KCNJ6: variants seen among roughly 807,000 people sequenced by gnomAD.
KCNJ6 encodes the protein G protein-activated inward rectifier potassium channel 2.
KCNJ6 carries 9 observed loss-of-function variants against 34.2 expected under a neutral mutation model. That is an observed-to-expected ratio of 0.26 (90% CI 0.16 to 0.46). KCNJ6 has a LOEUF of 0.46. KCNJ6 is among the 20% of genes least tolerant of loss of function. KCNJ6 has a pLI of 1.00. For synonymous variants in KCNJ6, 196 were observed against 207.1 expected, an observed-to-expected ratio of 0.95 and a Z score of 0.46; for missense variants, 236 against 531.3, an observed-to-expected ratio of 0.44 and a Z score of 5.46.
chr21:37,728,219 A>G (rs945230553), intron 2 of KCNJ6, among the ~76,000 whole-genome samples: 6 of 152,226 alleles, frequency 3.9e-5, no homozygotes, highest in African/African-American at 1.4e-4. Flanking sequence ...GACAAGTACT[A>G]TATGATTTCA....
chr21:37,859,487 TTATATATATATATATATATATATATA>T (rs55859652), intron 1 of KCNJ6, among the ~76,000 whole-genome samples: 9 of 84,298 alleles, frequency 1.1e-4, no homozygotes, highest in East Asian at 3.1e-4. Context: ...TTATATTACT[TTATATATATATATATATATATATATA>T]TATATATATA....
At position 37,612,172 on chromosome 21, in the gene KCNJ6, T is replaced by G. The variant is rs2054244907; in HGVS notation, c.*12987A>C. On this transcript the variant is annotated 3_prime_UTR_variant, in exon 4 of 4. Transcript: ENST00000609713. ...AGGGATTATAGCAAGATTTTAGGAT[T>G]CAAAGTTAATATACAAAGTCAATTG... 6.6e-6 allele frequency: 1 copy of G among 152,216 alleles called. No homozygotes were observed. Among genetic ancestry groups the G allele is most frequent in the Non-Finnish European group, 1.5e-5 (1 of 68,028 alleles). The allele number at this position is 152,216 out of a possible 1,614,324, so 9.4% of individuals were successfully genotyped here.
chr21:37,658,350 G>T (rs1004959018), intron 3 of KCNJ6, among the ~76,000 whole-genome samples: 6 of 152,226 alleles, frequency 3.9e-5, no homozygotes, highest in Non-Finnish European at 4.4e-5. Flanking sequence ...CTACCCACGT[G>T]GGGGAATTTC....
Position 37,714,145 on chromosome 21 carries a change from G to C in KCNJ6, c.946+66C>G. 9.0e-7 allele frequency: 1 copy of C among 1,109,842 alleles called. No individual in the cohort carries two copies. Among genetic ancestry groups the C allele is most frequent in the South Asian group, 1.4e-5 (1 of 69,288 alleles). The allele number at this position is 1,109,842 out of a possible 1,614,324, so 68.7% of individuals were successfully genotyped here. A position where few individuals can be genotyped will look rare whatever the true frequency, so the allele number is the denominator to read the frequency against. The stretch of plus-strand genomic sequence containing the variant: ...GTATTCTAGATCTTGTAATAGATAA[G>C]AACATCAGGTCCAGTTTAAAATGAG... On this transcript the variant is annotated intron_variant, in intron 3 of 3. Transcript: ENST00000609713. The surrounding 1 kb of genome is among the most constrained non-coding windows in gnomAD (Gnocchi z 5.9).
chr21:37,831,007 C>T (rs893931182), intron 2 of KCNJ6, among the ~76,000 whole-genome samples: 2 of 152,106 alleles, frequency 1.3e-5, no homozygotes, highest in Admixed American at 1.3e-4. Context: ...GAAAGTCCCA[C>T]CCTGAGGGAC....
chr21:37,911,843 G>A (rs1244278556), intron 1 of KCNJ6, among the ~76,000 whole-genome samples: 2 of 152,128 alleles, frequency 1.3e-5, no homozygotes, highest in Admixed American at 1.3e-4. Context: ...TTTTCTACCT[G>A]TGAAAATCAG....
At chr21:37,888,317 A>G (rs73904487) in intron 1 of KCNJ6, among the ~76,000 whole-genome samples, 6,807 of 152,200 alleles carry the variant, frequency 0.045, 509 homozygotes, top group African/African-American at 0.15. Flanking sequence ...CATCATTCAA[A>G]CCACAGGCTG....
intron 2 of KCNJ6, among the ~76,000 whole-genome samples, chr21:37,759,338 A>G (rs1201149589): frequency 1.3e-5 from 2 of 152,194 alleles, no homozygotes; most frequent in Non-Finnish European, 2.9e-5. Context: ...GCGGGACTGC[A>G]CTGAACGGCA....
At chr21:37,841,641 C>T (rs2055481404) in intron 1 of KCNJ6, among the ~76,000 whole-genome samples, 2 of 152,142 alleles carry the variant, frequency 1.3e-5, no homozygotes, top group South Asian at 4.1e-4. Context: ...GGAATATGAT[C>T]CTATCTTCAT....
chr21:37,789,021 C>T lies in KCNJ6; in HGVS notation c.25+51637G>A, dbSNP rs925860694. Among the ~76,000 whole-genome samples the T allele has an allele frequency of 6.6e-5, 10 of 152,278 alleles. No individual in the cohort carries two copies. The South Asian group carries it at 8.3e-4, about 13-fold the overall frequency. On this transcript the variant is annotated intron_variant, in intron 2 of 3. Coordinates refer to ENST00000609713, the MANE Select transcript of KCNJ6 (RefSeq NM_002240.5). Reference sequence around the variant, plus strand: ...CTTCTGGAAGTTTATTATTTCACTACTCTCAAGACTCTTTTCCACAGTCTC... The same window carrying T: ...CTTCTGGAAGTTTATTATTTCACTATTCTCAAGACTCTTTTCCACAGTCTC...
intron 3 of KCNJ6, among the ~76,000 whole-genome samples, chr21:37,673,153 C>G (rs1462962779): frequency 6.6e-6 from 1 of 152,174 alleles, no homozygotes; most frequent in African/African-American, 2.4e-5. Context: ...ACAGGTAAGA[C>G]AGCATGAGGG....
intron 1 of KCNJ6, among the ~76,000 whole-genome samples, chr21:37,862,336 G>A (rs2055598726): frequency 6.6e-6 from 1 of 152,164 alleles, no homozygotes. Flanking sequence ...AAGCAGAGAA[G>A]TCTTCTATTT....
intron 2 of KCNJ6, among the ~76,000 whole-genome samples, chr21:37,824,712 C>G (rs994993185): frequency 1.3e-5 from 2 of 152,172 alleles, no homozygotes; most frequent in Non-Finnish European, 2.9e-5. Context: ...CCATGTAAGA[C>G]GTGCTTGCTT....
intron 3 of KCNJ6, among the ~76,000 whole-genome samples, chr21:37,701,000 T>G (rs1049076782): frequency 1.3e-5 from 2 of 152,106 alleles, no homozygotes; most frequent in Non-Finnish European, 2.9e-5. Flanking sequence ...GTTCCTTTCA[T>G]CAAGATATGA....
At chr21:37,707,735 G>GTGTGTGTATATGTGTGC in intron 3 of KCNJ6, among the ~76,000 whole-genome samples, 15 of 149,678 alleles carry the variant, frequency 1.0e-4, no homozygotes, top group Admixed American at 2.0e-4. Flanking sequence ...GTGTGTGTGT[G>GTGTGTGTATATGTGTGC]AATAATTTAC....
intron 2 of KCNJ6, among the ~76,000 whole-genome samples, chr21:37,818,193 C>CGT (rs200661921): frequency 0.034 from 3,332 of 97,136 alleles, 108 homozygotes; most frequent in African/African-American, 0.14. Flanking sequence ...CTTAAAAGTG[C>CGT]GTGTGTGTGT....
Position 37,616,354 on chromosome 21 carries a change from G to A in KCNJ6, c.*8805C>T, listed in dbSNP as rs2054266703. On this transcript the variant is annotated 3_prime_UTR_variant, in exon 4 of 4. Coordinates refer to ENST00000609713, the MANE Select transcript of KCNJ6 (RefSeq NM_002240.5). ...TCACTGTTGTCTCTGTGTGGCTCTT[G>A]GTTAAGACGAGGAAGCACTGGGCTG... 6.6e-6 allele frequency: 1 copy of A among 151,674 alleles called. No individual in the cohort carries two copies. Among genetic ancestry groups the A allele is most frequent in the African/African-American group, 2.4e-5 (1 of 41,248 alleles). The allele number at this position is 151,674 out of a possible 1,614,324, so 9.4% of individuals were successfully genotyped here.
intron 2 of KCNJ6, among the ~76,000 whole-genome samples, chr21:37,835,138 CCTT>C (rs1282094434): frequency 6.6e-6 from 1 of 152,206 alleles, no homozygotes; most frequent in African/African-American, 2.4e-5. Flanking sequence ...GAAGCCAACT[CCTT>C]CTGCCAAGAT....
chr21:37,891,162 C>G (rs1236569637), intron 1 of KCNJ6, among the ~76,000 whole-genome samples: 1 of 152,138 alleles, frequency 6.6e-6, no homozygotes, highest in Non-Finnish European at 1.5e-5. Flanking sequence ...TCATAGGATA[C>G]TTTCACAGGT....
Sources: allele counts gnomAD v4.1 joint callset (sites outside exome capture counted in the v4.1 genomes callset), GRCh38; gene constraint gnomAD v4.1.1; non-coding constraint Gnocchi (gnomAD v3.1); transcripts MANE v1.5; gene names NCBI Gene and HGNC (gene_info 2026-07-23, HGNC 2026-07-21).